Variants in HDGF observed in about 807,000 individuals in gnomAD.
HDGF encodes hepatoma-derived growth factor.
Under a neutral mutation model 30.0 loss-of-function variants are expected in HDGF, and 5 were observed. The observed-to-expected ratio is 0.17, with a 90% confidence interval of 0.09 to 0.35. HDGF has a LOEUF of 0.35. HDGF is among the 10% of genes least tolerant of loss of function. The pLI is 1.00. For synonymous variants in HDGF, 133 were observed against 112.7 expected, an observed-to-expected ratio of 1.18 and a Z score of -1.14; for missense variants, 214 against 302.8, an observed-to-expected ratio of 0.71 and a Z score of 2.18.
rs1028040795 is a variant in HDGF at position 156,751,192 on chromosome 1, G to A, written c.87+151C>T. On this transcript the variant is annotated intron_variant, in intron 1 of 5. Transcript: ENST00000357325. This position sits in a 1 kb window ranked among gnomAD's most constrained non-coding sequence, Gnocchi z 4.7. The stretch of plus-strand genomic sequence containing the variant: ...CGCCTCCACCATTATATAACCGGCG[G>A]GTGGGCTTGGAAGCGACAGAGAAAG... 8.3e-6 allele frequency: 9 copies of A among 1,085,964 alleles called. No homozygotes were observed. Among genetic ancestry groups the A allele is most frequent in the East Asian group, 3.5e-5 (1 of 28,894 alleles). The allele number at this position is 1,085,964 out of a possible 1,614,324, so 67.3% of individuals were successfully genotyped here.
upstream of HDGF, among the ~76,000 whole-genome samples, chr1:156,755,260 G>A (rs1439476831): frequency 6.6e-6 from 1 of 152,172 alleles, no homozygotes; most frequent in African/African-American, 2.4e-5. Context: ...CTGGCTCTAG[G>A]ATCCTGAAGC....
intron 1 of HDGF, among the ~76,000 whole-genome samples, chr1:156,764,070 T>A (rs76334286): frequency 1.4e-5 from 1 of 72,520 alleles, no homozygotes; most frequent in African/African-American, 5.4e-5. Flanking sequence ...CATGCCCGGC[T>A]TTTTTTCTGT....
At chr1:156,764,321 C>T (rs1021610980) in intron 1 of HDGF, among the ~76,000 whole-genome samples, 8 of 152,132 alleles carry the variant, frequency 5.3e-5, no homozygotes, top group Admixed American at 3.9e-4. Flanking sequence ...CTCCACCTCC[C>T]GGGTTCAAGC....
chr1:156,763,588 CTTTT>C (rs1263248247), intron 1 of HDGF, among the ~76,000 whole-genome samples: 1 of 137,234 alleles, frequency 7.3e-6, no homozygotes, highest in Non-Finnish European at 1.6e-5. Context: ...TTACAAATTT[CTTTT>C]TTTTTTTTTT....
intron 3 of HDGF, chr1:156,744,611 G>T: frequency 1.4e-6 from 2 of 1,425,262 alleles, no homozygotes; most frequent in Non-Finnish European, 1.9e-6. Flanking sequence ...TTCTCCCAAA[G>T]GGAGCTAGGA....
chr1:156,748,106 T>TC (rs1214665552), intron 1 of HDGF, among the ~76,000 whole-genome samples: 3 of 151,870 alleles, frequency 2.0e-5, no homozygotes, highest in Non-Finnish European at 2.9e-5. Context: ...GATAGGCATC[T>TC]CCCCCCAAAG....
At chr1:156,752,306 T>G, upstream of HDGF, 1 of 1,551,746 alleles carries the variant, frequency 6.4e-7, no homozygotes, top group East Asian at 2.4e-5. Flanking sequence ...CGCTTGAGTT[T>G]GGTAGCCAGG....
intron 1 of HDGF, among the ~76,000 whole-genome samples, chr1:156,764,485 C>G (rs536073736): frequency 6.6e-6 from 1 of 152,226 alleles, no homozygotes; most frequent in African/African-American, 2.4e-5. Context: ...GCGTGAGCCA[C>G]TGCGCCTGGC....
chr1:156,747,218 A>C (rs1650618963), intron 1 of HDGF, among the ~76,000 whole-genome samples: 4 of 85,970 alleles, frequency 4.7e-5, no homozygotes, highest in African/African-American at 9.0e-5. Flanking sequence ...CTCAGCAACC[A>C]GGAATGTGAC....
At chr1:156,747,800 G>A (rs540586534) in intron 1 of HDGF, among the ~76,000 whole-genome samples, 1 of 152,256 alleles carries the variant, frequency 6.6e-6, no homozygotes, top group African/African-American at 2.4e-5. Flanking sequence ...TGAAAGTTCA[G>A]AAATAAGGAG....
In HDGF at chr1:156,751,272, C is replaced by T; in HGVS notation, c.87+71G>A. Reference sequence around the variant, plus strand: ...ACCTCTGCCCGCTCCGCGCGGAGCGCTCGTGCCCTTCCCGGTGTTATGCAA... The same window carrying T: ...ACCTCTGCCCGCTCCGCGCGGAGCGTTCGTGCCCTTCCCGGTGTTATGCAA... On this transcript the variant is annotated intron_variant, in intron 1 of 5. Transcript: ENST00000357325. This position sits in a 1 kb window ranked among gnomAD's most constrained non-coding sequence, Gnocchi z 4.7. The T allele has an allele frequency of 6.4e-7, 1 of 1,550,402 alleles. No homozygotes were observed. Among genetic ancestry groups the T allele is most frequent in the East Asian group, 2.5e-5 (1 of 40,428 alleles).
rs1277133870 is a variant in HDGF, at chr1:156,744,259, G to C, written c.393C>G (p.Gly131=). Residue 131 remains glycine (G), a synonymous_variant, in exon 4 of 6, where the codon GGC becomes GGG. Transcript: ENST00000357325. The part of the protein sequence containing the change: ...GDGDKKGNAE[G]SSDEEGKLVI... Reference sequence around the variant, plus strand: ...CCAGCTTCCCTTCCTCGTCGCTGCTGCCCTCTGCATTCCCCTTCTTATCAC... The same window carrying C: ...CCAGCTTCCCTTCCTCGTCGCTGCTCCCCTCTGCATTCCCCTTCTTATCAC... 1 of 1,613,974 alleles carries C rather than the reference G, an allele frequency of 6.2e-7. No homozygotes were observed. The highest frequency in any genetic ancestry group is 8.5e-7 in the Non-Finnish European group (1 of 1,180,000).
chr1:156,746,256 C>T (rs887444467), intron 1 of HDGF, among the ~76,000 whole-genome samples: 1 of 152,222 alleles, frequency 6.6e-6, no homozygotes, highest in East Asian at 1.9e-4. Flanking sequence ...AGACCAGCCC[C>T]AAGGTCAGAG....
chr1:156,758,180 C>T (rs1306869617), intron 2 of HDGF, among the ~76,000 whole-genome samples: 1 of 152,120 alleles, frequency 6.6e-6, no homozygotes, highest in Admixed American at 6.6e-5. Flanking sequence ...CATCTGTAAT[C>T]CTAGCTAGTC....
chr1:156,760,166 A>G (rs1007922511), intron 1 of HDGF, among the ~76,000 whole-genome samples: 1 of 152,252 alleles, frequency 6.6e-6, no homozygotes, highest in African/African-American at 2.4e-5. Context: ...GTGTGTCTGC[A>G]TTCCTTTGGT....
intron 1 of HDGF, among the ~76,000 whole-genome samples, chr1:156,762,633 G>T (rs764351269): frequency 9.9e-5 from 15 of 152,240 alleles, no homozygotes; most frequent in Non-Finnish European, 1.9e-4. Flanking sequence ...CACTTTGGGA[G>T]GCTGAGGTAG....
At chr1:156,746,954 G>A (rs1222188004) in intron 1 of HDGF, among the ~76,000 whole-genome samples, 1 of 152,062 alleles carries the variant, frequency 6.6e-6, no homozygotes, top group Non-Finnish European at 1.5e-5. Flanking sequence ...GAAGGGGTGG[G>A]GCCCTGGGCA....
rs1484469926 is a variant in HDGF, at chr1:156,743,668, T to C, written c.700A>G (p.Ile234Val). 1 of 1,611,548 alleles carries C rather than the reference T, an allele frequency of 6.2e-7. No homozygotes were observed. The highest frequency in any genetic ancestry group is 8.5e-7 in the Non-Finnish European group (1 of 1,177,888). ...CTCACTCACCTCTCATGATCTCTGA[T>C]GCCTGGGGCCTCAGCATCTTCCTTG... Reference protein sequence around the residue: ...ATKEDAEAPGIRDHESL With the variant: ...ATKEDAEAPGVRDHESL The change falls in exon 5 of 6, where the codon ATC (isoleucine) becomes GTC (valine). Residue 234 changes from isoleucine to valine, a missense_variant. Ile to Val is a conservative substitution (Grantham distance 29). This residue lies in a region of HDGF where 176 missense variants were observed against 211.7 expected (regional missense o/e 0.83). Coordinates refer to ENST00000357325, the MANE Select transcript of HDGF (RefSeq NM_004494.3).
chr1:156,743,089 G>C lies in HDGF; in HGVS notation c.*360C>G, dbSNP rs1373635234. ...CCCCTGATCCCAACCCAGAGGTCCA[G>C]AATGCCTAGGAGAGTGGGAGAAGGG... On this transcript the variant is annotated 3_prime_UTR_variant, in exon 6 of 6. Transcript: ENST00000357325. 4.6e-6 allele frequency: 1 copy of C among 219,162 alleles called. No individual in the cohort carries two copies. Among genetic ancestry groups the C allele is most frequent in the Non-Finnish European group, 9.0e-6 (1 of 111,618 alleles). 13.6% of individuals were successfully genotyped at this position (219,162 alleles called of 1,614,324 possible). A position where few individuals can be genotyped will look rare whatever the true frequency, so the allele number is the denominator to read the frequency against.
Sources: allele counts gnomAD v4.1 joint callset (sites outside exome capture counted in the v4.1 genomes callset), GRCh38; gene constraint gnomAD v4.1.1; regional missense constraint gnomAD v4.1.1; non-coding constraint Gnocchi (gnomAD v3.1); transcripts MANE v1.5; gene names NCBI Gene and HGNC (gene_info 2026-07-23, HGNC 2026-07-21).